Variants in DLG2 observed in about 807,000 individuals in gnomAD.
DLG2 encodes discs large MAGUK scaffold protein 2.
In DLG2, 45 loss-of-function variants were observed where a neutral mutation model predicts 132.5. The observed-to-expected ratio is 0.34, with a 90% CI of 0.27 to 0.44. DLG2 has a LOEUF of 0.44. Among genes scored for constraint, DLG2 ranks in the 20% least tolerant of loss-of-function variants. DLG2 has a pLI of 1.00. For synonymous variants in DLG2, 424 were observed against 419.6 expected, an observed-to-expected ratio of 1.01 and a Z score of -0.13; for missense variants, 1,045 against 1,196.9, an observed-to-expected ratio of 0.87 and a Z score of 1.87.
intron 3 of DLG2, among the ~76,000 whole-genome samples, chr11:85,436,917 T>C (rs2091513598): frequency 6.6e-6 from 1 of 152,156 alleles, no homozygotes; most frequent in African/African-American, 2.4e-5. Flanking sequence ...CCATCAATGA[T>C]AGACTGGATA....
chr11:85,101,253 T>A (rs1320433055), intron 6 of DLG2, among the ~76,000 whole-genome samples: 2 of 152,086 alleles, frequency 1.3e-5, no homozygotes, highest in African/African-American at 4.8e-5. Flanking sequence ...GATTTTCTAA[T>A]TGGTTAGGTA....
chr11:85,021,262 G>A (rs2060041383), intron 6 of DLG2: 3 of 1,296,680 alleles, frequency 2.3e-6, no homozygotes, highest in Non-Finnish European at 3.4e-6. Context: ...AGGAGGAGGA[G>A]GTACACGTGC....
At chr11:84,128,949 G>A (rs12281901) in intron 9 of DLG2, among the ~76,000 whole-genome samples, 5,260 of 152,086 alleles carry the variant, frequency 0.035, 102 homozygotes, top group Non-Finnish European at 0.053. Flanking sequence ...TTGTCAACTC[G>A]TTTTCTTAAA....
At chr11:84,998,289 C>G (rs2057869684) in intron 6 of DLG2, among the ~76,000 whole-genome samples, 1 of 151,932 alleles carries the variant, frequency 6.6e-6, no homozygotes, top group South Asian at 2.1e-4. Flanking sequence ...TGGCAATTTC[C>G]CCCATCCTGT....
intron 6 of DLG2, among the ~76,000 whole-genome samples, chr11:84,636,332 A>T (rs1430562591): frequency 1.3e-5 from 2 of 152,224 alleles, no homozygotes; most frequent in Non-Finnish European, 1.5e-5. Flanking sequence ...ATTAAGAAGT[A>T]TTGAAAAGTA....
chr11:85,026,684 C>T (rs1439223671), intron 6 of DLG2, among the ~76,000 whole-genome samples: 19 of 151,650 alleles, frequency 1.3e-4, no homozygotes, highest in Admixed American at 1.1e-3. Context: ...AAAAACACAA[C>T]AAATTAGCCG....
At chr11:84,552,488 T>G (rs912125810) in intron 6 of DLG2, among the ~76,000 whole-genome samples, 4 of 152,184 alleles carry the variant, frequency 2.6e-5, no homozygotes, top group African/African-American at 4.8e-5. Context: ...GATGACAATC[T>G]TTCCAGGAGC....
chr11:83,886,490 A>T (rs566912572), intron 15 of DLG2, among the ~76,000 whole-genome samples: 1 of 152,258 alleles, frequency 6.6e-6, no homozygotes, highest in East Asian at 1.9e-4. Flanking sequence ...CTCCCACACA[A>T]TAATAATGGG....
chr11:85,369,319 G>A lies in DLG2; in HGVS notation c.41-83954C>T, dbSNP rs12786316. Among the ~76,000 whole-genome samples, 417 of 152,018 alleles carry A rather than the reference G, an allele frequency of 2.7e-3. 4 individuals are homozygous for A. Among genetic ancestry groups the A allele is most frequent in the East Asian group, 0.025 (131 of 5,144 alleles). ...CCACAGCAGCCTTCCCTTTCCCCCC[G>A]CCAAGAGGTTCAGCTTTTTCTGACA... is the stretch of plus-strand genomic sequence containing the variant. On this transcript the variant is annotated intron_variant, in intron 3 of 27. Coordinates refer to ENST00000376104, the MANE Select transcript of DLG2 (RefSeq NM_001142699.3).
chr11:84,019,714 T>A (rs1163635170), intron 11 of DLG2, among the ~76,000 whole-genome samples: 1 of 152,100 alleles, frequency 6.6e-6, no homozygotes, highest in East Asian at 1.9e-4. Context: ...ACAGGGAGAA[T>A]GACACGTGAA....
intron 3 of DLG2, among the ~76,000 whole-genome samples, chr11:85,519,260 C>A (rs1330870409): frequency 6.6e-6 from 1 of 152,166 alleles, no homozygotes; most frequent in Non-Finnish European, 1.5e-5. Context: ...ACAGTGCCAG[C>A]CTGTGAAATT....
chr11:85,192,396 G>C (rs2152534201), intron 4 of DLG2, among the ~76,000 whole-genome samples: 1 of 152,276 alleles, frequency 6.6e-6, no homozygotes. Flanking sequence ...CATAGAGATA[G>C]TTATCTATAA....
At chr11:85,356,848 C>A (rs557119274) in intron 3 of DLG2, among the ~76,000 whole-genome samples, 1 of 151,838 alleles carries the variant, frequency 6.6e-6, no homozygotes, top group South Asian at 2.1e-4. Flanking sequence ...CAGACACACA[C>A]TCTTTCATTT....
chr11:84,001,910 C>A (rs894144839), intron 11 of DLG2, among the ~76,000 whole-genome samples: 2 of 151,906 alleles, frequency 1.3e-5, no homozygotes, highest in Non-Finnish European at 2.9e-5. Flanking sequence ...AATGAAAATA[C>A]AACATACCAA....
At chr11:83,700,505 A>G (rs1445072097) in intron 18 of DLG2, among the ~76,000 whole-genome samples, 1 of 152,234 alleles carries the variant, frequency 6.6e-6, no homozygotes, top group Non-Finnish European at 1.5e-5. Context: ...ACAGTGGATG[A>G]AAGACTACAA....
intron 6 of DLG2, among the ~76,000 whole-genome samples, chr11:84,617,007 T>A (rs1241813432): frequency 2.0e-5 from 3 of 151,948 alleles, no homozygotes; most frequent in African/African-American, 7.2e-5. Flanking sequence ...AATTATACTT[T>A]AAGTTCTGGG....
At chr11:84,740,991 G>T (rs1179364350) in intron 6 of DLG2, among the ~76,000 whole-genome samples, 2 of 148,832 alleles carry the variant, frequency 1.3e-5, no homozygotes, top group Non-Finnish European at 3.0e-5. Context: ...GGCATGAGAA[G>T]CATCCCCATG....
chr11:84,839,840 C>T lies in DLG2; in HGVS notation c.357+271821G>A, dbSNP rs577206928. 1.4e-4 allele frequency among the ~76,000 whole-genome samples: 21 copies of T among 152,144 alleles called. 1 individual carries two copies. Among genetic ancestry groups the T allele is most frequent in the Middle Eastern group, 6.8e-3 (2 of 294 alleles). On this transcript the variant is annotated intron_variant, in intron 6 of 27. Coordinates refer to ENST00000376104, the MANE Select transcript of DLG2 (RefSeq NM_001142699.3). Reference sequence around the variant, plus strand: ...CTTACACCTTATACAAAAATTAATTCGAGATAGATTAAATACTTAAATGTT... The same window carrying T: ...CTTACACCTTATACAAAAATTAATTTGAGATAGATTAAATACTTAAATGTT...
intron 19 of DLG2, among the ~76,000 whole-genome samples, chr11:83,617,401 G>A (rs1459864988): frequency 6.6e-6 from 1 of 152,030 alleles, no homozygotes; most frequent in African/African-American, 2.4e-5. Context: ...CACTCCTACT[G>A]TCAATGATAT....
Sources: allele counts gnomAD v4.1 joint callset (sites outside exome capture counted in the v4.1 genomes callset), GRCh38; gene constraint gnomAD v4.1.1; transcripts MANE v1.5; gene names NCBI Gene and HGNC (gene_info 2026-07-23, HGNC 2026-07-21).